The following ELP6 variants were observed in gnomAD, a reference collection of about 807,000 sequenced individuals.
ELP6 encodes elongator acetyltransferase complex subunit 6.
A neutral mutation model predicts 28.1 loss-of-function variants in ELP6; 23 were observed. That is an observed-to-expected ratio of 0.82 (90% CI 0.59 to 1.16). The LOEUF (loss-of-function observed/expected upper bound fraction) is 1.16. Among genes scored for constraint, ELP6 ranks in the 50% most tolerant of loss-of-function variants. The pLI is 0.00. For missense variants in ELP6, 313 were observed against 334.6 expected, an observed-to-expected ratio of 0.94 and a Z score of 0.50; for synonymous variants, 132 against 135.8, an observed-to-expected ratio of 0.97 and a Z score of 0.19.
At chr3:47,500,098 G>A in intron 5 of ELP6, 1 of 1,206,250 alleles carries the variant, frequency 8.3e-7, no homozygotes, top group Non-Finnish European at 1.1e-6. Flanking sequence ...GCAGAAAGGA[G>A]GGACTGGCAT....
At position 47,496,164 on chromosome 3, in the gene ELP6, C is replaced by T. The variant is rs758926474; in HGVS notation, c.706G>A (p.Ala236Thr). The T allele has an allele frequency of 1.3e-5, 21 of 1,613,902 alleles. No individual in the cohort carries two copies. The highest frequency in any genetic ancestry group is 8.9e-5 in the East Asian group (4 of 44,898). The part of the protein sequence containing the change: ...RILWRRPSQP[A>T]VHRDQSFTYQ... ...GTGAAGCTCTGATCCCGGTGGACTG[C>T]GGGCTGCGATGGTCTCCTCCACAGG... The change falls in exon 7 of 7, where the codon GCA becomes ACA. Residue 236 changes from alanine (A) to threonine (T), a missense_variant. Ala to Thr is a moderately conservative substitution (Grantham distance 58, BLOSUM62 0). Transcript: ENST00000296149.
At chr3:47,503,355 G>A in intron 4 of ELP6, 1 of 1,289,786 alleles carries the variant, frequency 7.8e-7, no homozygotes, top group Non-Finnish European at 1.0e-6. Flanking sequence ...AGCTATGTTT[G>A]TGGCCAATGT....
chr3:47,501,285 T>C (rs1337684357), intron 5 of ELP6, among the ~76,000 whole-genome samples: 3 of 152,210 alleles, frequency 2.0e-5, no homozygotes, highest in African/African-American at 7.2e-5. Context: ...TATACTTGTA[T>C]TGCCCTTTAC....
chr3:47,500,162 G>A, intron 5 of ELP6: 1 of 1,139,044 alleles, frequency 8.8e-7, no homozygotes, highest in Non-Finnish European at 1.1e-6. Context: ...AAAGAATGAA[G>A]CAGATCCATG....
chr3:47,498,418 G>T lies in ELP6; in HGVS notation c.540C>A (p.Val180=). 6.2e-7 allele frequency: 1 copy of T among 1,612,694 alleles called. No individual in the cohort carries two copies. The change falls in exon 6 of 7, where the codon GTC becomes GTA. Residue 180 remains valine (V), a synonymous_variant. Coordinates refer to ENST00000296149, the MANE Select transcript of ELP6 (RefSeq NM_001031703.3). ...VCWELKGNMV[V]LVHDSGDAED... is the part of the protein sequence containing the mutation. ...CCGCATCTCCACTGTCGTGCACAAG[G>T]ACCACCATGTTTCCCTGCATCAGAT...
chr3:47,498,215 C>T (rs749653125), intron 6 of ELP6, 71 bp downstream of exon 6: 2 of 1,583,614 alleles, frequency 1.3e-6, no homozygotes, highest in African/African-American at 1.3e-5. Flanking sequence ...TCAGGCCTGA[C>T]TCTCCCCTAT....
chr3:47,505,702 G>C (rs112187256), intron 3 of ELP6, among the ~76,000 whole-genome samples: 1 of 152,188 alleles, frequency 6.6e-6, no homozygotes. Context: ...CTCCTGAGTA[G>C]CTGGGATTAC....
At chr3:47,498,818 A>T (rs1708554800) in intron 5 of ELP6, 1 of 551,330 alleles carries the variant, frequency 1.8e-6, no homozygotes, top group Non-Finnish European at 2.3e-6. Flanking sequence ...ATAACAAGTG[A>T]GAGATATGGG....
intron 1 of ELP6, chr3:47,511,628 C>T: frequency 1.7e-6 from 1 of 586,572 alleles, no homozygotes; most frequent in Non-Finnish European, 2.2e-6. Context: ...CTTCAAAAGG[C>T]CTCCCTGCCA....
At chr3:47,498,110 G>T in intron 6 of ELP6, 176 bp downstream of exon 6, 1 of 1,359,662 alleles carries the variant, frequency 7.4e-7, no homozygotes, top group Non-Finnish European at 9.8e-7. Flanking sequence ...TGGTCCATGA[G>T]GCTAAGCGCA....
intron 5 of ELP6, among the ~76,000 whole-genome samples, chr3:47,498,977 G>T (rs1708559452): frequency 6.6e-6 from 1 of 152,172 alleles, no homozygotes; most frequent in African/African-American, 2.4e-5. Flanking sequence ...AATCTCAGAG[G>T]GCAAGTAGGA....
intron 2 of ELP6, 55 bp from the exon 3 acceptor site, chr3:47,510,309 T>G (rs1368501964): frequency 2.7e-6 from 4 of 1,486,998 alleles, no homozygotes; most frequent in Non-Finnish European, 3.7e-6. Flanking sequence ...CCAGACTCAC[T>G]GATTTCATAC....
chr3:47,507,119 T>C (rs1339000235), intron 3 of ELP6, among the ~76,000 whole-genome samples: 1 of 152,162 alleles, frequency 6.6e-6, no homozygotes, highest in Non-Finnish European at 1.5e-5. Flanking sequence ...TCCCAGCACT[T>C]TGGGAGGCTG....
chr3:47,496,494 TG>T (rs373232710), intron 6 of ELP6: 61 of 975,058 alleles, frequency 6.3e-5, no homozygotes, highest in Admixed American at 6.2e-5. Flanking sequence ...AGTATTTTTA[TG>T]TTTTTTTTTT....
chr3:47,507,871 C>T (rs117035025), intron 3 of ELP6, among the ~76,000 whole-genome samples: 3,468 of 152,270 alleles, frequency 0.023, 147 homozygotes, highest in Admixed American at 0.08. Flanking sequence ...TAGAAGCTCA[C>T]GCTCCAGTAC....
At chr3:47,501,432 C>A (rs1228238994) in intron 5 of ELP6, 4 of 569,308 alleles carry the variant, frequency 7.0e-6, no homozygotes, top group Non-Finnish European at 1.3e-5. Context: ...ACCAGCCCCA[C>A]TGAATGCAAT....
At chr3:47,506,045 T>A (rs899183252) in intron 3 of ELP6, among the ~76,000 whole-genome samples, 1 of 151,820 alleles carries the variant, frequency 6.6e-6, no homozygotes, top group African/African-American at 2.4e-5. Context: ...AGGGACAGAG[T>A]ACAAAAGAGA....
At chr3:47,511,741 G>T in intron 1 of ELP6, 1 of 935,028 alleles carries the variant, frequency 1.1e-6, no homozygotes, top group Non-Finnish European at 1.3e-6. Flanking sequence ...TCACCCAATG[G>T]CCCTGCTTCA....
rs1189044940 is a variant in ELP6 at position 47,513,637 on chromosome 3, C to T, written c.-47G>A. 2.5e-6 allele frequency: 4 copies of T among 1,611,016 alleles called. No individual in the cohort carries two copies. In the Admixed American group the frequency reaches 5.0e-5, roughly 20 times the overall value. On this transcript the variant is annotated 5_prime_UTR_variant, in exon 1 of 7. Transcript: ENST00000296149. Reference sequence around the variant, plus strand: ...CTCTGGAGGAGAACCCGGAGTGCTGCAGAGACGACGGAGGCTGGAGAGCAA... The same window carrying T: ...CTCTGGAGGAGAACCCGGAGTGCTGTAGAGACGACGGAGGCTGGAGAGCAA...
Sources: gnomAD v4.1 joint callset for allele counts (sites outside exome capture counted in the v4.1 genomes callset) on GRCh38, gnomAD v4.1.1 for gene constraint, MANE v1.5 for transcripts, NCBI Gene and HGNC (gene_info 2026-07-23, HGNC 2026-07-21) for gene names.